The following MME variants were observed in gnomAD, a reference collection of about 807,000 sequenced individuals.
MME encodes membrane metalloendopeptidase.
Under a neutral mutation model 113.2 loss-of-function variants are expected in MME, and 98 were observed. The observed-to-expected ratio is 0.87, with a 90% CI of 0.74 to 1.02. MME has a LOEUF of 1.02. Ranked by LOEUF, MME falls within the 50% of genes least tolerant of loss-of-function variation. The probability of loss-of-function intolerance (pLI) is 0.00; values close to 1 mark genes in which losing one functional copy is unlikely to be tolerated. For synonymous variants in MME, 292 were observed against 300.6 expected, an observed-to-expected ratio of 0.97 and a Z score of 0.30; for missense variants, 836 against 896.0, an observed-to-expected ratio of 0.93 and a Z score of 0.86.
intron 3 of MME, among the ~76,000 whole-genome samples, chr3:155,099,156 C>T (rs956913314): frequency 2.0e-5 from 3 of 152,184 alleles, no homozygotes; most frequent in East Asian, 1.9e-4. Flanking sequence ...TTTCAGTACA[C>T]GTGTTGTCAT....
intron 1 of MME, among the ~76,000 whole-genome samples, chr3:155,053,796 C>T (rs963657841): frequency 6.6e-6 from 1 of 152,152 alleles, no homozygotes; most frequent in South Asian, 2.1e-4. Context: ...GAGGGCAGAA[C>T]CACAGATACA....
intron 1 of MME, among the ~76,000 whole-genome samples, chr3:155,055,120 A>G (rs1713882539): frequency 6.6e-6 from 1 of 152,204 alleles, no homozygotes; most frequent in Non-Finnish European, 1.5e-5. Context: ...AGACATGTAA[A>G]ATATGTTCAT....
chr3:155,094,983 A>G (rs1486841887), intron 3 of MME, among the ~76,000 whole-genome samples: 1 of 152,232 alleles, frequency 6.6e-6, no homozygotes, highest in Non-Finnish European at 1.5e-5. Flanking sequence ...CCTCAGACCT[A>G]CTGAATCTGT....
In MME at chr3:155,038,228, A is replaced by G. The variant is rs533051182; in HGVS notation, c.-11+13904A>G. On this transcript the variant is annotated intron_variant, in intron 1 of 22. Transcript: ENST00000492661. ...ACTACCAGACTCCAAAATGCTTGTA[A>G]ACCCAAGGTTTTGGACAAACATATT... Among the ~76,000 whole-genome samples the G allele has an allele frequency of 7.9e-5, 12 of 152,236 alleles. 2 individuals are homozygous for G. In the South Asian group the frequency reaches 1.7e-3, roughly 21 times the overall value.
intron 3 of MME, among the ~76,000 whole-genome samples, chr3:155,111,324 C>A (rs1379228862): frequency 6.6e-6 from 1 of 152,174 alleles, no homozygotes; most frequent in Non-Finnish European, 1.5e-5. Flanking sequence ...CCAAAATATT[C>A]ATCAGAACAG....
intron 3 of MME, among the ~76,000 whole-genome samples, chr3:155,103,570 T>C (rs916777007): frequency 2.0e-5 from 3 of 152,244 alleles, no homozygotes; most frequent in Non-Finnish European, 4.4e-5. Flanking sequence ...GATGTGTTTC[T>C]ATTTCCCACT....
intron 3 of MME, among the ~76,000 whole-genome samples, chr3:155,094,618 A>C (rs1716573195): frequency 6.6e-6 from 1 of 152,178 alleles, no homozygotes. Context: ...TCAAATAAAA[A>C]TGTGTCATCC....
At chr3:155,162,000 A>G (rs181336886) in intron 17 of MME, among the ~76,000 whole-genome samples, 1 of 152,288 alleles carries the variant, frequency 6.6e-6, no homozygotes, top group Admixed American at 6.5e-5. Flanking sequence ...GTCAGTGTCT[A>G]GTTCATTTGG....
At chr3:155,033,213 G>A (rs1576661005) in intron 1 of MME, among the ~76,000 whole-genome samples, 1 of 152,112 alleles carries the variant, frequency 6.6e-6, no homozygotes. Flanking sequence ...TGTGACTCAG[G>A]CTCCAGGGCT....
chr3:155,097,880 G>C (rs1716872095), intron 3 of MME, among the ~76,000 whole-genome samples: 1 of 152,204 alleles, frequency 6.6e-6, no homozygotes, highest in African/African-American at 2.4e-5. Flanking sequence ...TGTTGAAATG[G>C]AAGGCTATAA....
chr3:155,154,271 G>A (rs542164436), intron 16 of MME, among the ~76,000 whole-genome samples: 1 of 152,208 alleles, frequency 6.6e-6, no homozygotes, highest in South Asian at 2.1e-4. Flanking sequence ...CTCAACATCT[G>A]TGACTCCGTG....
At chr3:155,124,578 G>T (rs1352951844) in intron 8 of MME, among the ~76,000 whole-genome samples, 1 of 152,188 alleles carries the variant, frequency 6.6e-6, no homozygotes, top group Non-Finnish European at 1.5e-5. Flanking sequence ...TGATGATGAT[G>T]ATGTACAGAT....
intron 16 of MME, chr3:155,158,522 C>A (rs1219512207): frequency 6.6e-6 from 1 of 152,024 alleles, no homozygotes; most frequent in Non-Finnish European, 1.5e-5. Context: ...TGCCAGACAG[C>A]TTGGAATCGT....
At chr3:155,119,408 C>T (rs1360109703) in intron 8 of MME, among the ~76,000 whole-genome samples, 2 of 124,112 alleles carry the variant, frequency 1.6e-5, no homozygotes, top group Admixed American at 8.2e-5. Context: ...TGTTCACGTG[C>T]TCTTTTTTTT....
upstream of MME, among the ~76,000 whole-genome samples, chr3:155,075,230 C>T (rs1265569883): frequency 6.6e-6 from 1 of 151,374 alleles, no homozygotes; most frequent in African/African-American, 2.4e-5. Context: ...TTTATTACAA[C>T]TTTACTATAC....
chr3:155,028,481 C>T (rs1712859239), intron 1 of MME, among the ~76,000 whole-genome samples: 1 of 152,128 alleles, frequency 6.6e-6, no homozygotes, highest in Non-Finnish European at 1.5e-5. Flanking sequence ...AAGGGGATCA[C>T]CTGGTGTAGC....
intron 18 of MME, among the ~76,000 whole-genome samples, chr3:155,167,418 A>C (rs1723182169): frequency 6.6e-6 from 1 of 151,956 alleles, no homozygotes; most frequent in South Asian, 2.1e-4. Context: ...AAGAGCTCAA[A>C]AGACTCTTAA....
intron 20 of MME, 25 bp from the exon 21 acceptor site, chr3:155,172,091 GT>G: frequency 7.6e-7 from 1 of 1,314,000 alleles, no homozygotes; most frequent in South Asian, 1.2e-5. Context: ...TAATATTATT[GT>G]TTTTCTATTT....
intron 1 of MME, among the ~76,000 whole-genome samples, chr3:155,071,557 G>A (rs1409165235): frequency 6.6e-6 from 1 of 152,086 alleles, no homozygotes; most frequent in African/African-American, 2.4e-5. Context: ...ATTGCATTTG[G>A]CATGTAACAA....
Sources: gnomAD v4.1 joint callset for allele counts (sites outside exome capture counted in the v4.1 genomes callset) on GRCh38, gnomAD v4.1.1 for gene constraint, MANE v1.5 for transcripts, NCBI Gene and HGNC (gene_info 2026-07-23, HGNC 2026-07-21) for gene names.